TESPA1: variants seen among roughly 807,000 people sequenced by gnomAD.
TESPA1 encodes thymocyte expressed, positive selection associated 1.
TESPA1 carries 33 observed loss-of-function variants against 57.9 expected under a neutral mutation model. The ratio of observed to expected loss-of-function variants is 0.57; its 90% CI spans 0.43 to 0.76. TESPA1 has a LOEUF of 0.76. TESPA1 is among the 30% of genes least tolerant of loss of function. TESPA1 has a pLI of 0.00. For synonymous variants in TESPA1, 227 were observed against 228.9 expected (o/e 0.99, Z 0.07); for missense variants, 618 against 632.9 (o/e 0.98, Z 0.25).
At position 54,966,154 on chromosome 12, in the gene TESPA1, G is replaced by A; in HGVS notation, c.348-3C>T. On this transcript the variant is annotated splice_polypyrimidine_tract_variant and splice_region_variant and intron_variant, in intron 6 of 10. Transcript: ENST00000449076. ...GCCTGGCTGTCTCGAGGAAACTCCT[G>A]CAGAGATCAAAGCTGATGTCATACA... The A allele has an allele frequency of 6.4e-7, 1 of 1,566,466 alleles. No homozygotes were observed. Among genetic ancestry groups the A allele is most frequent in the Non-Finnish European group, 8.7e-7 (1 of 1,154,864 alleles).
chr12:54,972,059 G>A (rs1213419890), intron 3 of TESPA1, among the ~76,000 whole-genome samples: 7 of 152,248 alleles, frequency 4.6e-5, no homozygotes, highest in Admixed American at 3.9e-4. Flanking sequence ...TAGCTCAGGC[G>A]TCTACAGTGA....
At position 54,950,333 on chromosome 12, in the gene TESPA1, G is replaced by A. The variant is rs1031472234; in HGVS notation, c.*59C>T. On this transcript the variant is annotated 3_prime_UTR_variant, in exon 11 of 11. Transcript: ENST00000449076. ...AGTTTCCTGCAAGAGGTGGCTTTTA[G>A]TTTCTTCTTTGAAGCCAATTCTGTC... The A allele has an allele frequency of 1.3e-5, 6 of 456,780 alleles. No individual in the cohort carries two copies. The highest frequency in any genetic ancestry group is 2.4e-5 in the Admixed American group (1 of 42,546). The allele number at this position is 456,780 out of a possible 1,614,324, so 28.3% of individuals were successfully genotyped here.
chr12:54,968,076 T>A, intron 3 of TESPA1, 184 bp from the exon 4 acceptor site: 1 of 1,437,302 alleles, frequency 7.0e-7, no homozygotes, highest in Non-Finnish European at 9.4e-7. Context: ...TAGAAGTAGT[T>A]GGGGAAACTG....
Position 54,961,206 on chromosome 12 carries a change from G to C in TESPA1, c.1529C>G (p.Pro510Arg), listed in dbSNP as rs1951053037. 1 of 1,613,856 alleles carries C rather than the reference G, an allele frequency of 6.2e-7. No individual in the cohort carries two copies. Among genetic ancestry groups the C allele is most frequent in the African/African-American group, 1.3e-5 (1 of 74,918 alleles). Residue 510 changes from proline (P) to arginine (R), a missense_variant, in exon 10 of 11, where the codon CCC (proline) becomes CGC (arginine). By Grantham distance (103) the Pro-to-Arg change is moderately radical (BLOSUM62 -2). This residue lies in a region of TESPA1 where 409 missense variants were observed against 420.1 expected (regional missense o/e 0.97). Transcript: ENST00000449076. ...GCCAGCAAAAGTCTGGTGGTGGTGG[G>C]GGTGCCTGGGTCTGCTGGGCCAGCG... ...QSRWPSRPRH[P>R]HHHQTFAGKD...
In TESPA1 at chr12:54,971,860, A is replaced by T. The variant is rs1314860907; in HGVS notation, c.206+1617T>A. On this transcript the variant is annotated intron_variant, in intron 3 of 10. Coordinates refer to ENST00000449076, the MANE Select transcript of TESPA1 (RefSeq NM_001136030.3). Reference sequence around the variant, plus strand: ...ATTTCTGGGAATTTTTTTTCTGATAAATAAACAGATGTAGATAGATGGATA... The same window carrying T: ...ATTTCTGGGAATTTTTTTTCTGATATATAAACAGATGTAGATAGATGGATA... Among the ~76,000 whole-genome samples, 4 of 152,290 alleles carry T rather than the reference A, an allele frequency of 2.6e-5. No homozygotes were observed. In the East Asian group the frequency reaches 7.7e-4, roughly 29 times the overall value.
chr12:54,971,178 A>G (rs1951808617), intron 3 of TESPA1, among the ~76,000 whole-genome samples: 1 of 152,242 alleles, frequency 6.6e-6, no homozygotes, highest in Non-Finnish European at 1.5e-5. Flanking sequence ...TAGGCTTTGG[A>G]AAGAAAAATG....
intron 3 of TESPA1, among the ~76,000 whole-genome samples, chr12:54,968,641 G>T (rs887896021): frequency 6.6e-6 from 1 of 152,110 alleles, no homozygotes; most frequent in Non-Finnish European, 1.5e-5. Context: ...CAAATATTAC[G>T]TAAGGGAATT....
intron 10 of TESPA1, among the ~76,000 whole-genome samples, chr12:54,954,284 C>T (rs1277635898): frequency 6.6e-6 from 1 of 152,196 alleles, no homozygotes; most frequent in South Asian, 2.1e-4. Context: ...TTGCTAAGTC[C>T]TTTTCTTGAG....
rs748873648 is a variant in TESPA1, at chr12:54,974,581, A to T, written c.-19T>A. 6.5e-7 allele frequency: 1 copy of T among 1,542,238 alleles called. No individual in the cohort carries two copies. The highest frequency in any genetic ancestry group is 2.0e-5 in the Admixed American group (1 of 49,354). Reference sequence around the variant, plus strand: ...CCTCCATGGCCCTGGCTCAGACTTCAGGGCCTCCCGTAACAGTAATGCCGT... The same window carrying T: ...CCTCCATGGCCCTGGCTCAGACTTCTGGGCCTCCCGTAACAGTAATGCCGT... On this transcript the variant is annotated 5_prime_UTR_variant, in exon 2 of 11. Coordinates refer to ENST00000449076, the MANE Select transcript of TESPA1 (RefSeq NM_001136030.3).
chr12:54,967,858 G>C lies in TESPA1; in HGVS notation c.241C>G (p.Gln81Glu). 1 of 1,613,676 alleles carries C rather than the reference G, an allele frequency of 6.2e-7. No individual in the cohort carries two copies. Among genetic ancestry groups the C allele is most frequent in the Non-Finnish European group, 8.5e-7 (1 of 1,179,722 alleles). The change falls in exon 4 of 11, where the codon CAG (glutamine) becomes GAG (glutamate). Residue 81 changes from glutamine to glutamate, a missense_variant. Physicochemically the swap from Gln to Glu is conservative, Grantham distance 29. This residue lies in a region of TESPA1 where 199 missense variants were observed against 184.0 expected (regional missense o/e 1.08). Transcript: ENST00000449076. ...CTATACTCACCATTGTAGATAAACT[G>C]TCCTGCTTCCTCAGAAAATCCTTCT... ...SEEGFSEEAG[Q>E]FIYNGFCSHG...
intron 1 of TESPA1, among the ~76,000 whole-genome samples, chr12:54,982,439 G>A (rs751039660): frequency 3.3e-5 from 5 of 152,142 alleles, no homozygotes; most frequent in Non-Finnish European, 5.9e-5. Context: ...ACAAATAAGC[G>A]TAGCTGAATA....
At position 54,968,471 on chromosome 12, in the gene TESPA1, G is replaced by A. The variant is rs79216942; in HGVS notation, c.207-579C>T. ...ACCATCTCCACCAGAAGAACAAACC[G>A]AAATCAGCACAAATGGTGGTGAGAG... On this transcript the variant is annotated intron_variant, in intron 3 of 10. Transcript: ENST00000449076. Among the ~76,000 whole-genome samples the A allele has an allele frequency of 7.5e-3, 1,148 of 152,222 alleles. 12 individuals carry two copies. Among genetic ancestry groups the A allele is most frequent in the African/African-American group, 0.026 (1,065 of 41,542 alleles).
intron 2 of TESPA1, 93 bp downstream of exon 2, chr12:54,974,307 A>G: frequency 1.7e-6 from 2 of 1,209,828 alleles, no homozygotes; most frequent in Non-Finnish European, 2.2e-6. Flanking sequence ...GGCCTGGCTA[A>G]ACAAGGAACC....
At chr12:54,981,025 T>G (rs567962377) in intron 1 of TESPA1, among the ~76,000 whole-genome samples, 152 of 152,148 alleles carry the variant, frequency 1.0e-3, no homozygotes, top group Non-Finnish European at 1.9e-3. Context: ...CCTCAAGCAA[T>G]CCTCCCACCT....
chr12:54,974,209 C>T (rs755610272), intron 2 of TESPA1, among the ~76,000 whole-genome samples, 191 bp downstream of exon 2: 5 of 152,300 alleles, frequency 3.3e-5, no homozygotes, highest in South Asian at 4.1e-4. Context: ...AATCTTATGC[C>T]TGTCTCTTTC....
chr12:54,974,548 C>A lies in TESPA1; in HGVS notation c.15G>T (p.Val5=). Residue 5 remains valine, a synonymous_variant, in exon 2 of 11, where the codon GTG becomes GTT. Transcript: ENST00000449076. MEAS[V]LSPTSWEKRR... The stretch of plus-strand genomic sequence containing the variant: ...GTTTCTCCCAGGATGTGGGGCTCAG[C>A]ACAGAGGCCTCCATGGCCCTGGCTC... 6.3e-7 allele frequency: 1 copy of A among 1,590,122 alleles called. No homozygotes were observed. The highest frequency in any genetic ancestry group is 8.6e-7 in the Non-Finnish European group (1 of 1,167,812).
chr12:54,982,378 C>T (rs74653379), intron 1 of TESPA1, among the ~76,000 whole-genome samples: 2,458 of 152,280 alleles, frequency 0.016, 54 homozygotes, highest in African/African-American at 0.055. Flanking sequence ...GAAAAAATGC[C>T]CATTAGTCAA....
intron 2 of TESPA1, 38 bp from the exon 3 acceptor site, chr12:54,973,557 A>C: frequency 1.2e-6 from 2 of 1,613,938 alleles, no homozygotes; most frequent in African/African-American, 1.3e-5. Flanking sequence ...TGAGAACTGA[A>C]CGAAATCAGA....
chr12:54,981,119 C>A (rs1952299736), intron 1 of TESPA1, among the ~76,000 whole-genome samples: 1 of 151,846 alleles, frequency 6.6e-6, no homozygotes, highest in South Asian at 2.1e-4. Context: ...AGATACTGTG[C>A]CAAACTAGTT....
Sources: allele counts gnomAD v4.1 joint callset (sites outside exome capture counted in the v4.1 genomes callset), GRCh38; gene constraint gnomAD v4.1.1; regional missense constraint gnomAD v4.1.1; transcripts MANE v1.5; gene names NCBI Gene and HGNC (gene_info 2026-07-23, HGNC 2026-07-21).